The following RYR3 variants were observed in gnomAD, a reference collection of about 807,000 sequenced individuals.
RYR3 encodes ryanodine receptor 3, also known as brain ryanodine receptor-calcium release channel.
In RYR3, 207 loss-of-function variants were observed where a neutral mutation model predicts 584.3. The observed-to-expected ratio is 0.35, with a 90% CI of 0.32 to 0.40. The LOEUF is 0.40. Among genes scored for constraint, RYR3 ranks in the 10% least tolerant of loss-of-function variants. The pLI is 1.00. For missense variants in RYR3, 5,616 were observed against 6,089.2 expected, an observed-to-expected ratio of 0.92 and a Z score of 2.59; for synonymous variants, 2,416 against 2,248.5, an observed-to-expected ratio of 1.07 and a Z score of -2.11.
chr15:33,639,538 A>G (rs980226088), intron 27 of RYR3, among the ~76,000 whole-genome samples: 2 of 152,156 alleles, frequency 1.3e-5, no homozygotes, highest in Non-Finnish European at 2.9e-5. Context: ...AAAACATTTC[A>G]TGCATTGTAG....
intron 1 of RYR3, chr15:33,465,677 G>A: frequency 1.9e-6 from 1 of 518,534 alleles, no homozygotes; most frequent in South Asian, 1.4e-5. Context: ...ACTGTGTGGA[G>A]GACAGCAGTG....
intron 81 of RYR3, among the ~76,000 whole-genome samples, chr15:33,823,888 A>T (rs1395318275): frequency 3.9e-5 from 6 of 152,140 alleles, no homozygotes; most frequent in African/African-American, 4.8e-5. Context: ...AATGTGGAGG[A>T]TGGTCATCCT....
At chr15:33,846,499 T>C (rs1315765084) in intron 93 of RYR3, among the ~76,000 whole-genome samples, 3 of 152,204 alleles carry the variant, frequency 2.0e-5, no homozygotes, top group African/African-American at 7.2e-5. Flanking sequence ...GCTTTTCTCA[T>C]TACATTTTTT....
rs895844369 is a variant in RYR3 at position 33,652,900 on chromosome 15, G to A, written c.4308+17G>A. Reference sequence around the variant, plus strand: ...TGCTACCAGGTAAGGGCGGCTTCTGGGGCCGAAACAGGGCTATCCCAGGCC... The same window carrying A: ...TGCTACCAGGTAAGGGCGGCTTCTGAGGCCGAAACAGGGCTATCCCAGGCC... On this transcript the variant is annotated intron_variant, in intron 32 of 103. Coordinates refer to ENST00000634891, the MANE Select transcript of RYR3 (RefSeq NM_001036.6). The A allele has an allele frequency of 5.0e-6, 8 of 1,598,686 alleles. No individual in the cohort carries two copies. In the Admixed American group the frequency reaches 7.1e-5, roughly 14 times the overall value.
At chr15:33,575,153 G>A (rs2058231564) in intron 12 of RYR3, among the ~76,000 whole-genome samples, 1 of 151,616 alleles carries the variant, frequency 6.6e-6, no homozygotes, top group African/African-American at 2.4e-5. Context: ...CCTGCAAAGA[G>A]ACTTAGACTC....
intron 16 of RYR3, among the ~76,000 whole-genome samples, chr15:33,587,315 C>T (rs543182435): frequency 3.3e-5 from 5 of 152,292 alleles, no homozygotes; most frequent in South Asian, 2.1e-4. Flanking sequence ...CTGAGCAACA[C>T]GTGCTAGGAG....
At chr15:33,566,893 C>G in intron 12 of RYR3, 94 bp downstream of exon 12, 1 of 1,371,702 alleles carries the variant, frequency 7.3e-7, no homozygotes, top group Non-Finnish European at 1.0e-6. Flanking sequence ...TGAATGTTTT[C>G]AGGAAATAAT....
intron 1 of RYR3, among the ~76,000 whole-genome samples, chr15:33,359,916 C>T (rs1235062033): frequency 3.3e-5 from 5 of 151,810 alleles, no homozygotes; most frequent in Admixed American, 6.6e-5. Flanking sequence ...CCACCGGGCC[C>T]GGCCTCCTGA....
At chr15:33,760,610 C>CT (rs1246249583) in intron 60 of RYR3, among the ~76,000 whole-genome samples, 1 of 152,104 alleles carries the variant, frequency 6.6e-6, no homozygotes, top group Non-Finnish European at 1.5e-5. Context: ...AAAGCAAGTC[C>CT]TTAGAGACCT....
chr15:33,647,818 C>T (rs187670012), intron 30 of RYR3, among the ~76,000 whole-genome samples: 30 of 152,226 alleles, frequency 2.0e-4, no homozygotes, highest in Admixed American at 1.8e-3. Flanking sequence ...TTTTGTGAGT[C>T]AGCTGCCCCA....
chr15:33,349,927 T>C (rs1049576562), intron 1 of RYR3, among the ~76,000 whole-genome samples: 3 of 152,038 alleles, frequency 2.0e-5, no homozygotes, highest in South Asian at 2.1e-4. Flanking sequence ...CATGAACTTA[T>C]CATTTTTTAT....
At chr15:33,738,720 G>T (rs551899160) in intron 50 of RYR3, 130 bp downstream of exon 50, 2 of 926,304 alleles carry the variant, frequency 2.2e-6, no homozygotes, top group East Asian at 2.5e-5. Context: ...AGCATATTAC[G>T]CCAATCCTTG....
chr15:33,853,789 C>T, intron 96 of RYR3, 107 bp downstream of exon 96: 1 of 1,429,828 alleles, frequency 7.0e-7, no homozygotes, highest in Non-Finnish European at 9.4e-7. Flanking sequence ...AGGCTGTGGT[C>T]TGGCTTAGGT....
chr15:33,458,789 C>T (rs1189228371), intron 1 of RYR3, among the ~76,000 whole-genome samples: 1 of 152,104 alleles, frequency 6.6e-6, no homozygotes, highest in Non-Finnish European at 1.5e-5. Context: ...GAGTAATGTA[C>T]CAAATGAGGG....
At chr15:33,523,590 T>C (rs545713992) in intron 3 of RYR3, among the ~76,000 whole-genome samples, 4 of 151,992 alleles carry the variant, frequency 2.6e-5, no homozygotes, top group African/African-American at 9.6e-5. Context: ...TCTGCTTGAG[T>C]AGGATCTTTG....
intron 43 of RYR3, among the ~76,000 whole-genome samples, chr15:33,713,505 G>A (rs2067268596): frequency 6.7e-6 from 1 of 148,214 alleles, no homozygotes; most frequent in Admixed American, 6.7e-5. Flanking sequence ...GATGGTGAGT[G>A]ATGATGGGGG....
chr15:33,708,910 G>C (rs549735852), intron 43 of RYR3, among the ~76,000 whole-genome samples: 3 of 152,074 alleles, frequency 2.0e-5, no homozygotes, highest in African/African-American at 7.2e-5. Context: ...CCCATTGGCC[G>C]ATTTAAATAG....
chr15:33,550,098 T>C (rs1045501880), intron 9 of RYR3, 62 bp from the exon 10 acceptor site: 33 of 1,535,102 alleles, frequency 2.1e-5, no homozygotes, highest in Non-Finnish European at 2.8e-5. Flanking sequence ...AAGCATAGGA[T>C]AAATACTGAA....
intron 1 of RYR3, among the ~76,000 whole-genome samples, chr15:33,321,191 ACTTATGT>A (rs2140527477): frequency 6.6e-6 from 1 of 152,268 alleles, no homozygotes; most frequent in Admixed American, 6.5e-5. Context: ...ATTTTTTACA[ACTTATGT>A]CTTAAGTGTA....
Sources: allele counts gnomAD v4.1 joint callset (sites outside exome capture counted in the v4.1 genomes callset), GRCh38; gene constraint gnomAD v4.1.1; transcripts MANE v1.5; gene names NCBI Gene and HGNC (gene_info 2026-07-23, HGNC 2026-07-21).